The following DSCAM variants were observed in gnomAD, a reference collection of about 807,000 sequenced individuals.
DSCAM encodes DS cell adhesion molecule.
A neutral mutation model predicts 217.7 loss-of-function variants in DSCAM; 47 were observed. That is an observed-to-expected ratio of 0.22 (90% CI 0.17 to 0.28). The LOEUF (loss-of-function observed/expected upper bound fraction) is 0.28, where lower values mean the gene tolerates loss of function less well. DSCAM is among the 10% of genes least tolerant of loss of function. The pLI is 1.00. For synonymous variants in DSCAM, 1,056 were observed against 1,015.3 expected, an observed-to-expected ratio of 1.04 and a Z score of -0.76; for missense variants, 2,080 against 2,618.3, an observed-to-expected ratio of 0.79 and a Z score of 4.49.
chr21:40,247,260 A>G (rs962607882), intron 11 of DSCAM, among the ~76,000 whole-genome samples: 27 of 152,118 alleles, frequency 1.8e-4, no homozygotes, highest in Non-Finnish European at 3.1e-4. Flanking sequence ...ATGTCCTCAC[A>G]TTTCAAAAAC....
intron 3 of DSCAM, among the ~76,000 whole-genome samples, chr21:40,498,472 G>A (rs1051154785): frequency 6.6e-6 from 1 of 151,630 alleles, no homozygotes; most frequent in Non-Finnish European, 1.5e-5. Flanking sequence ...TGGAAGAAAG[G>A]TGGTAGAAAC....
At chr21:40,720,725 C>T (rs1425287608) in intron 1 of DSCAM, among the ~76,000 whole-genome samples, 2 of 150,394 alleles carry the variant, frequency 1.3e-5, no homozygotes, top group Non-Finnish European at 2.9e-5. Flanking sequence ...TTATGAGTGG[C>T]CCAGCTTACT....
At chr21:40,712,461 C>A (rs2090791461) in intron 1 of DSCAM, among the ~76,000 whole-genome samples, 1 of 117,952 alleles carries the variant, frequency 8.5e-6, no homozygotes, top group Admixed American at 9.8e-5. Context: ...CAGAGCGAGA[C>A]TCCGTCTCAA....
intron 20 of DSCAM, among the ~76,000 whole-genome samples, chr21:40,094,448 C>T (rs991339706): frequency 3.3e-5 from 5 of 152,072 alleles, no homozygotes; most frequent in African/African-American, 1.2e-4. Context: ...AGGAAGAGCA[C>T]TGGAAAGAGA....
At chr21:40,396,642 T>C (rs1174826577) in intron 3 of DSCAM, among the ~76,000 whole-genome samples, 1 of 152,004 alleles carries the variant, frequency 6.6e-6, no homozygotes, top group Non-Finnish European at 1.5e-5. Flanking sequence ...CTGCTACCAC[T>C]ACTACTACCG....
At chr21:40,778,058 T>C (rs548831537) in intron 1 of DSCAM, among the ~76,000 whole-genome samples, 1 of 152,184 alleles carries the variant, frequency 6.6e-6, no homozygotes, top group African/African-American at 2.4e-5. Context: ...TACTCTTTTA[T>C]GAAAAAGATA....
rs766191893 is a variant in DSCAM at position 40,042,679 on chromosome 21, C to A, written c.5384-6G>T. The A allele has an allele frequency of 6.3e-7, 1 of 1,594,664 alleles. No individual in the cohort carries two copies. Among genetic ancestry groups the A allele is most frequent in the Non-Finnish European group, 8.5e-7 (1 of 1,171,938 alleles). On this transcript the variant is annotated splice_region_variant and splice_polypyrimidine_tract_variant and intron_variant, in intron 31 of 32. Transcript: ENST00000400454. ...CATGCTGCTTCTTGCTCGATCTACACCAGGAAAGAGAAAAACAAGACGGAC... is the reference window on the plus strand; with the variant it reads ...CATGCTGCTTCTTGCTCGATCTACAACAGGAAAGAGAAAAACAAGACGGAC...
intron 1 of DSCAM, among the ~76,000 whole-genome samples, chr21:40,803,459 G>T (rs1276966225): frequency 1.3e-5 from 2 of 152,088 alleles, no homozygotes; most frequent in African/African-American, 4.8e-5. Flanking sequence ...AACACAAAAT[G>T]TTCATGAAAG....
At position 40,342,626 on chromosome 21, in the gene DSCAM, G is replaced by GTGTGTATATA. The variant is rs1491362590; in HGVS notation, c.1211-3212_1211-3211insTATATACACA. 9.5e-5 allele frequency among the ~76,000 whole-genome samples: 9 copies of GTGTGTATATA among 94,718 alleles called. No homozygotes were observed. In the South Asian group the frequency reaches 1.4e-3, roughly 15 times the overall value. 62.1% of individuals were successfully genotyped at this position (94,718 alleles called of 152,430 possible). ...TATGTGTATATGTGTGTGTGTGTGT[G>GTGTGTATATA]TATATATATATATATATATATATTT... On this transcript the variant is annotated intron_variant, in intron 6 of 32. Transcript: ENST00000400454.
intron 11 of DSCAM, among the ~76,000 whole-genome samples, chr21:40,252,149 G>A (rs1417337621): frequency 6.6e-6 from 1 of 152,180 alleles, no homozygotes; most frequent in Admixed American, 6.5e-5. Context: ...AGCTATGTCT[G>A]GACTCCTGGA....
chr21:40,324,941 G>A (rs900401068), intron 8 of DSCAM, among the ~76,000 whole-genome samples: 1 of 152,122 alleles, frequency 6.6e-6, no homozygotes, highest in African/African-American at 2.4e-5. Flanking sequence ...CCAACCAGAG[G>A]TGACGACAAC....
At chr21:40,765,319 C>T (rs35474219) in intron 1 of DSCAM, among the ~76,000 whole-genome samples, 47,469 of 151,998 alleles carry the variant, frequency 0.31, 8,603 homozygotes, top group Non-Finnish European at 0.4. Flanking sequence ...CACTGCCTGG[C>T]CCAGCCCCTG....
rs1158692567 is a variant in DSCAM at position 40,293,780 on chromosome 21, G to A, written c.2182+2275C>T. 2.6e-5 allele frequency among the ~76,000 whole-genome samples: 4 copies of A among 151,742 alleles called. No homozygotes were observed. The East Asian group carries it at 7.8e-4, about 29-fold the overall frequency. On this transcript the variant is annotated intron_variant, in intron 10 of 32. Transcript: ENST00000400454. ...GCGGAGGTTGCAGTGAGCTGAGATC[G>A]CACCACTGCACTCCAGCCTGGGCGA... is the stretch of plus-strand genomic sequence containing the variant.
chr21:40,616,627 T>G (rs1264464050), intron 3 of DSCAM, among the ~76,000 whole-genome samples: 1 of 152,166 alleles, frequency 6.6e-6, no homozygotes, highest in African/African-American at 2.4e-5. Context: ...GCATTTGTTT[T>G]CCTTGCTGAT....
At chr21:40,061,599 A>T (rs1182321142) in intron 28 of DSCAM, among the ~76,000 whole-genome samples, 1 of 149,822 alleles carries the variant, frequency 6.7e-6, no homozygotes, top group Non-Finnish European at 1.5e-5. Context: ...AAAGGAAAAG[A>T]CTTATCCTTC....
intron 3 of DSCAM, among the ~76,000 whole-genome samples, chr21:40,532,979 G>A (rs2076461444): frequency 6.6e-6 from 1 of 152,112 alleles, no homozygotes; most frequent in Admixed American, 6.6e-5. Flanking sequence ...CACCGTGACA[G>A]CCTCAGTGAG....
chr21:40,205,564 T>A (rs560094075), intron 11 of DSCAM, among the ~76,000 whole-genome samples: 1 of 149,450 alleles, frequency 6.7e-6, no homozygotes, highest in Non-Finnish European at 1.5e-5. Flanking sequence ...GATTGCACCA[T>A]TGCACTCCAG....
chr21:40,791,590 T>C (rs1213379160), intron 1 of DSCAM, among the ~76,000 whole-genome samples: 3 of 152,062 alleles, frequency 2.0e-5, no homozygotes, highest in Non-Finnish European at 4.4e-5. Flanking sequence ...GAGGTGGAGC[T>C]TGCAGTGAGC....
At position 40,248,534 on chromosome 21, in the gene DSCAM, C is replaced by T. The variant is rs146568946; in HGVS notation, c.2356+27563G>A. Among the ~76,000 whole-genome samples, 777 of 152,304 alleles carry T rather than the reference C, an allele frequency of 5.1e-3. 2 individuals are homozygous for T. The highest frequency in any genetic ancestry group is 0.016 in the African/African-American group (671 of 41,566). ...ATAAGTGTCACCTTTGCTCCAGTTCCCAACAAGTTCCTCATTTCCATCTGA... is the reference window on the plus strand; with the variant it reads ...ATAAGTGTCACCTTTGCTCCAGTTCTCAACAAGTTCCTCATTTCCATCTGA... On this transcript the variant is annotated intron_variant, in intron 11 of 32. Transcript: ENST00000400454.
Sources: gnomAD v4.1 joint callset for allele counts (sites outside exome capture counted in the v4.1 genomes callset) on GRCh38, gnomAD v4.1.1 for gene constraint, MANE v1.5 for transcripts, NCBI Gene and HGNC (gene_info 2026-07-23, HGNC 2026-07-21) for gene names.